ATG10: variants seen among roughly 807,000 people sequenced by gnomAD.
ATG10 encodes ubiquitin-like-conjugating enzyme ATG10.
A neutral mutation model predicts 32.1 loss-of-function variants in ATG10; 30 were observed. The ratio of observed to expected loss-of-function variants is 0.94; its 90% CI spans 0.70 to 1.27. ATG10 has a LOEUF of 1.27. ATG10 is among the 50% of genes most tolerant of loss of function. The probability of loss-of-function intolerance (pLI) is 0.00; values close to 1 mark genes in which losing one functional copy is unlikely to be tolerated. For synonymous variants in ATG10, 87 were observed against 91.5 expected (o/e 0.95, Z 0.28); for missense variants, 233 against 262.3 (o/e 0.89, Z 0.77).
intron 2 of ATG10, among the ~76,000 whole-genome samples, chr5:82,055,992 C>A (rs1272215286): frequency 1.3e-5 from 2 of 152,098 alleles, no homozygotes; most frequent in African/African-American, 4.8e-5. Flanking sequence ...GAGGCCATAC[C>A]ATTTGGGTTT....
intron 2 of ATG10, among the ~76,000 whole-genome samples, chr5:82,042,987 T>G (rs1029733304): frequency 5.9e-5 from 9 of 152,158 alleles, no homozygotes; most frequent in African/African-American, 2.2e-4. Flanking sequence ...TTCTCACAGG[T>G]CCACTTGACA....
chr5:82,139,138 T>G (rs926039901), intron 3 of ATG10, among the ~76,000 whole-genome samples: 1 of 144,768 alleles, frequency 6.9e-6, no homozygotes, highest in African/African-American at 2.6e-5. Flanking sequence ...TCTCGTTCAC[T>G]CAGTGCTCAA....
rs367884368 is a variant in ATG10, at chr5:82,253,332, A to C, written c.570A>C (p.Thr190=). 6 of 1,612,190 alleles carry C rather than the reference A, an allele frequency of 3.7e-6. No homozygotes were observed. Among genetic ancestry groups the C allele is most frequent in the Non-Finnish European group, 5.1e-6 (6 of 1,178,204 alleles). Residue 190 remains threonine, a synonymous_variant, in exon 7 of 8, where the codon ACA becomes ACC. Coordinates refer to ENST00000282185, the MANE Select transcript of ATG10 (RefSeq NM_031482.5). The part of the protein sequence containing the change: ...QKINKNVNYI[T]SWLSIVGPVV... ...TTCCTAGGAATGTCAACTATATCACATCATGGCTGAGCATTGTAGGGCCAG... is the reference window on the plus strand; with the variant it reads ...TTCCTAGGAATGTCAACTATATCACCTCATGGCTGAGCATTGTAGGGCCAG...
At chr5:82,030,301 A>G (rs764245469) in intron 2 of ATG10, among the ~76,000 whole-genome samples, 15 of 152,194 alleles carry the variant, frequency 9.9e-5, no homozygotes, top group Non-Finnish European at 1.6e-4. Context: ...TATGGTAGCC[A>G]CTAGCCACAT....
intron 4 of ATG10, among the ~76,000 whole-genome samples, chr5:82,173,809 CTT>C (rs1319692985): frequency 6.6e-6 from 1 of 152,162 alleles, no homozygotes; most frequent in African/African-American, 2.4e-5. Flanking sequence ...AATAGACTCT[CTT>C]AACATGGTTT....
At chr5:81,979,161 A>G (rs1760955793) in intron 1 of ATG10, among the ~76,000 whole-genome samples, 2 of 152,064 alleles carry the variant, frequency 1.3e-5, no homozygotes, top group Non-Finnish European at 2.9e-5. Flanking sequence ...CAGCTTCCCA[A>G]AGTGCTGGGA....
At chr5:82,124,393 C>T (rs1581712573) in intron 3 of ATG10, among the ~76,000 whole-genome samples, 1 of 151,532 alleles carries the variant, frequency 6.6e-6, no homozygotes, top group East Asian at 2.0e-4. Flanking sequence ...GTGGTTTGCT[C>T]CACCCATCAA....
chr5:82,193,865 C>T (rs1411469152), intron 5 of ATG10, among the ~76,000 whole-genome samples: 1 of 152,192 alleles, frequency 6.6e-6, no homozygotes, highest in African/African-American at 2.4e-5. Context: ...AAATGATCAA[C>T]AGTGATAGTT....
At chr5:82,049,951 CAT>C (rs1763354689) in intron 2 of ATG10, among the ~76,000 whole-genome samples, 1 of 152,002 alleles carries the variant, frequency 6.6e-6, no homozygotes, top group African/African-American at 2.4e-5. Flanking sequence ...AAAAATAACA[CAT>C]GATTTCATTT....
rs117355041 is a variant in ATG10 at position 82,073,801 on chromosome 5, C to T, written c.216+15199C>T. ...AAAGATGTCATTACAATCCCTACCT[C>T]GCAGGGTGGCTATGAGGATCAAATA... On this transcript the variant is annotated intron_variant, in intron 3 of 7. Transcript: ENST00000282185. The T allele has an allele frequency of 3.5e-4, 54 of 152,288 alleles. 1 individual carries two copies. In the East Asian group the frequency reaches 9.3e-3, roughly 26 times the overall value. The allele number at this position is 152,288 out of a possible 1,614,324, so 9.4% of individuals were successfully genotyped here.
At chr5:82,073,295 A>G (rs1241900658) in intron 3 of ATG10, 1 of 152,214 alleles carries the variant, frequency 6.6e-6, no homozygotes, top group Admixed American at 6.5e-5. Context: ...AATGCTGGTC[A>G]AGGCCCAGCA....
At chr5:82,202,622 C>T (rs1745113297) in intron 5 of ATG10, among the ~76,000 whole-genome samples, 1 of 152,196 alleles carries the variant, frequency 6.6e-6, no homozygotes, top group African/African-American at 2.4e-5. Flanking sequence ...CTCAGAGGCT[C>T]CTTTTCCTGG....
At chr5:82,108,738 A>G (rs888512437) in intron 3 of ATG10, among the ~76,000 whole-genome samples, 2 of 152,016 alleles carry the variant, frequency 1.3e-5, no homozygotes, top group African/African-American at 4.8e-5. Flanking sequence ...ACAAAGGTAT[A>G]AAATATTTAA....
intron 2 of ATG10, among the ~76,000 whole-genome samples, chr5:81,991,227 T>A (rs551480505): frequency 1.2e-4 from 18 of 152,370 alleles, no homozygotes; most frequent in African/African-American, 4.1e-4. Context: ...AAACCTTTCA[T>A]TGTATTATGT....
intron 3 of ATG10, among the ~76,000 whole-genome samples, chr5:82,101,703 T>A (rs1337239792): frequency 6.6e-6 from 1 of 152,218 alleles, no homozygotes; most frequent in Non-Finnish European, 1.5e-5. Context: ...CTGATGTCAC[T>A]GTTGTTGAAC....
chr5:82,141,480 G>A (rs1033243554), intron 3 of ATG10, among the ~76,000 whole-genome samples: 2 of 151,846 alleles, frequency 1.3e-5, no homozygotes, highest in Non-Finnish European at 2.9e-5. Context: ...CCCTCTTTTG[G>A]TCTCAGTCAT....
chr5:82,113,072 T>G (rs1236334225), intron 3 of ATG10, among the ~76,000 whole-genome samples: 4 of 151,944 alleles, frequency 2.6e-5, no homozygotes, highest in Non-Finnish European at 5.9e-5. Flanking sequence ...TATAGCTTAT[T>G]TTATTGATCT....
intron 3 of ATG10, among the ~76,000 whole-genome samples, chr5:82,121,022 A>G (rs1318074631): frequency 6.6e-6 from 1 of 152,210 alleles, no homozygotes; most frequent in Non-Finnish European, 1.5e-5. Flanking sequence ...ATAAAACTAT[A>G]TTCAGTAATA....
intron 3 of ATG10, among the ~76,000 whole-genome samples, chr5:82,093,009 G>A (rs1043084897): frequency 1.3e-5 from 2 of 152,118 alleles, no homozygotes; most frequent in African/African-American, 4.8e-5. Context: ...CGATAAATTA[G>A]GATTATGTTG....
Sources: gnomAD v4.1 joint callset for allele counts (sites outside exome capture counted in the v4.1 genomes callset) on GRCh38, gnomAD v4.1.1 for gene constraint, MANE v1.5 for transcripts, NCBI Gene and HGNC (gene_info 2026-07-23, HGNC 2026-07-21) for gene names.